SIRT2: variants seen among roughly 807,000 people sequenced by gnomAD.
SIRT2 encodes the protein NAD-dependent protein deacetylase sirtuin-2.
A neutral mutation model predicts 57.4 loss-of-function variants in SIRT2; 40 were observed. That is an observed-to-expected ratio of 0.70 (90% confidence interval 0.54 to 0.91). The LOEUF (loss-of-function observed/expected upper bound fraction) is 0.91, where lower values mean the gene tolerates loss of function less well. Ranked by LOEUF, SIRT2 falls within the 40% of genes least tolerant of loss-of-function variation. SIRT2 has a pLI of 0.00. For synonymous variants in SIRT2, 161 were observed against 195.7 expected, an observed-to-expected ratio of 0.82 and a Z score of 1.48; for missense variants, 439 against 510.4, an observed-to-expected ratio of 0.86 and a Z score of 1.35.
chr19:38,879,372 T>C (rs1973051884), intron 15 of SIRT2, 62 bp from the exon 16 acceptor site: 1 of 1,602,610 alleles, frequency 6.2e-7, no homozygotes, highest in Admixed American at 1.7e-5. Flanking sequence ...AGAGGACCCA[T>C]GGGGTGGGGA....
At chr19:38,892,956 C>G (rs1973590952) in intron 4 of SIRT2, among the ~76,000 whole-genome samples, 1 of 152,192 alleles carries the variant, frequency 6.6e-6, no homozygotes, top group Admixed American at 6.5e-5. Flanking sequence ...ATGAAACAGG[C>G]CTGGTCAATC....
Position 38,893,527 on chromosome 19 carries a change from A to T in SIRT2, c.113T>A (p.Met38Lys). ...GGAGAATAAGTTCCGCAGGAAGTCC[A>T]CTGACCGGAAAGAAGAGAGACAGCG... ...EGGAAGGEAD[M>K]DFLRNLFSQT... Residue 38 changes from methionine to lysine, a missense_variant and splice_region_variant, in exon 4 of 16, where the codon ATG (methionine) becomes AAG (lysine). By Grantham distance (95) the Met-to-Lys change is moderately conservative. Coordinates refer to ENST00000249396, the MANE Select transcript of SIRT2 (RefSeq NM_012237.4). 6.2e-7 allele frequency: 1 copy of T among 1,604,588 alleles called. No homozygotes were observed. Among genetic ancestry groups the T allele is most frequent in the Non-Finnish European group, 8.5e-7 (1 of 1,171,878 alleles).
chr19:38,890,918 A>T (rs929290280), intron 4 of SIRT2, among the ~76,000 whole-genome samples: 1 of 152,198 alleles, frequency 6.6e-6, no homozygotes, highest in Non-Finnish European at 1.5e-5. Flanking sequence ...GCCCTGTCCA[A>T]GGGAGGACAG....
Position 38,883,741 on chromosome 19 carries a change from C to A in SIRT2, c.517G>T (p.Glu173Ter). The change falls in exon 9 of 16, where the codon GAG becomes TAG. Residue 173 changes from glutamate to a stop codon, truncating the protein, a stop_gained. Coordinates refer to ENST00000249396, the MANE Select transcript of SIRT2 (RefSeq NM_012237.4). LOFTEE classifies it high-confidence loss of function. ...TCCTGTTCCAGCCCGGCTATTCGCT[C>A]CAGGGTATCTATGTTCTAGAGGGAG... ...RCYTQNIDTL[E>*]RIAGLEQEDL... 1 of 1,614,012 alleles carries A rather than the reference C, an allele frequency of 6.2e-7. No homozygotes were observed. Among genetic ancestry groups the A allele is most frequent in the South Asian group, 1.1e-5 (1 of 91,078 alleles).
chr19:38,889,444 A>G, intron 7 of SIRT2: 1 of 665,652 alleles, frequency 1.5e-6, no homozygotes, highest in East Asian at 2.7e-5. Flanking sequence ...ATCATTAGTC[A>G]GCTAAGCCTC....
chr19:38,879,847 C>A (rs892928756), intron 13 of SIRT2, 145 bp from the exon 14 acceptor site: 3 of 629,138 alleles, frequency 4.8e-6, no homozygotes, highest in African/African-American at 3.7e-5. Flanking sequence ...TTTTTTGAGA[C>A]AAAGTTTCAC....
At chr19:38,897,324 C>T (rs1040727539) in intron 2 of SIRT2, among the ~76,000 whole-genome samples, 8 of 152,120 alleles carry the variant, frequency 5.3e-5, no homozygotes, top group South Asian at 2.1e-4. Context: ...TTTGCACAAG[C>T]GATACCTGTT....
rs1015985861 is a variant in SIRT2, at chr19:38,889,017, C to G, written c.501+70G>C. ...CTGAGCTCTTGGGCACGCAGCTCTG[C>G]TCCTCTGCTGAGGACACCATGCCCG... On this transcript the variant is annotated intron_variant, in intron 8 of 15. Transcript: ENST00000249396. 5.6e-6 allele frequency: 8 copies of G among 1,436,500 alleles called. No homozygotes were observed. In the African/African-American group the frequency reaches 1.1e-4, roughly 20 times the overall value. 89.0% of individuals were successfully genotyped at this position (1,436,500 alleles called of 1,614,324 possible).
intron 8 of SIRT2, among the ~76,000 whole-genome samples, chr19:38,885,293 G>C (rs368133198): frequency 6.6e-6 from 1 of 151,606 alleles, no homozygotes; most frequent in African/African-American, 2.4e-5. Flanking sequence ...ATGGGGGGTG[G>C]GGTGGTCTCC....
In SIRT2 at chr19:38,885,585, C is replaced by A. The variant is rs531942902; in HGVS notation, c.502-1829G>T. Among the ~76,000 whole-genome samples, 17 of 142,718 alleles carry A rather than the reference C, an allele frequency of 1.2e-4. No homozygotes were observed. The South Asian group carries it at 3.9e-3, about 33-fold the overall frequency. 93.6% of individuals were successfully genotyped at this position (142,718 alleles called of 152,430 possible). On this transcript the variant is annotated intron_variant, in intron 8 of 15. Transcript: ENST00000249396. ...GAGATTACAGGCACCCGCCACCATG[C>A]GTGGCTATTTTTTTTTTTTTTTTTG...
Position 38,899,588 on chromosome 19 carries a change from C to T in SIRT2, c.-67G>A, listed in dbSNP as rs1973864756. On this transcript the variant is annotated 5_prime_UTR_variant, in exon 1 of 16. Transcript: ENST00000249396. ...TGTCCCGTCACCAACCACTGTGTCC[C>T]GTCACCGACTGCTCTGTCCTGTCAC... 1 of 1,603,888 alleles carries T rather than the reference C, an allele frequency of 6.2e-7. No homozygotes were observed. Among genetic ancestry groups the T allele is most frequent in the Non-Finnish European group, 8.5e-7 (1 of 1,171,170 alleles).
intron 9 of SIRT2, among the ~76,000 whole-genome samples, chr19:38,881,989 T>A (rs1298831878): frequency 1.3e-5 from 2 of 151,490 alleles, no homozygotes; most frequent in African/African-American, 4.9e-5. Context: ...GCGCCCGGCC[T>A]TATTGGTTTG....
chr19:38,893,629 C>T (rs899440925), intron 3 of SIRT2, 102 bp from the exon 4 acceptor site: 2 of 1,171,634 alleles, frequency 1.7e-6, no homozygotes, highest in African/African-American at 3.0e-5. Context: ...GGCCTCCCCA[C>T]ATCTAAAGGC....
At chr19:38,888,614 G>C (rs1347632126) in intron 8 of SIRT2, among the ~76,000 whole-genome samples, 1 of 152,202 alleles carries the variant, frequency 6.6e-6, no homozygotes, top group Non-Finnish European at 1.5e-5. Flanking sequence ...ATTGGGCAAA[G>C]CACAAAAAAC....
At chr19:38,898,774 T>A (rs1027217724) in intron 1 of SIRT2, 5 of 234,496 alleles carry the variant, frequency 2.1e-5, no homozygotes, top group Middle Eastern at 1.3e-3. Context: ...CATGAGCCAT[T>A]GTTTCTGGCC....
chr19:38,885,959 T>C (rs575800899), intron 8 of SIRT2, among the ~76,000 whole-genome samples: 7 of 152,256 alleles, frequency 4.6e-5, no homozygotes, highest in Non-Finnish European at 7.4e-5. Flanking sequence ...GCACAGACAT[T>C]TGTGCGCGCT....
chr19:38,898,027 G>A (rs1282163111), intron 2 of SIRT2, among the ~76,000 whole-genome samples: 1 of 152,170 alleles, frequency 6.6e-6, no homozygotes, highest in East Asian at 1.9e-4. Flanking sequence ...TCGTCATCAC[G>A]CTGTGAGATC....
chr19:38,889,224 G>A, intron 7 of SIRT2, 69 bp from the exon 8 acceptor site: 1 of 1,439,528 alleles, frequency 6.9e-7, no homozygotes, highest in Non-Finnish European at 9.8e-7. Context: ...CGCATGCCAG[G>A]AACTGTTCTA....
intron 4 of SIRT2, among the ~76,000 whole-genome samples, chr19:38,891,020 G>T (rs1374339876): frequency 1.3e-5 from 2 of 152,262 alleles, no homozygotes; most frequent in African/African-American, 4.8e-5. Flanking sequence ...GAATCCAGTG[G>T]TGGCTACATG....
Sources: allele counts gnomAD v4.1 joint callset (sites outside exome capture counted in the v4.1 genomes callset), GRCh38; gene constraint gnomAD v4.1.1; transcripts MANE v1.5; gene names NCBI Gene and HGNC (gene_info 2026-07-23, HGNC 2026-07-21).